Variants in RPA3 observed in about 807,000 individuals in gnomAD.
RPA3 encodes replication protein A 14 kDa subunit.
In RPA3, 24 loss-of-function variants were observed where a neutral mutation model predicts 13.7. The ratio of observed to expected loss-of-function variants is 1.75; its 90% CI spans 1.27 to 2.46. The LOEUF (loss-of-function observed/expected upper bound fraction) is 2.46, where lower values mean the gene tolerates loss of function less well. Ranked by LOEUF, RPA3 falls within the 30% of genes most tolerant of loss-of-function variation. The pLI is 0.00. For missense variants in RPA3, 183 were observed against 151.0 expected, an observed-to-expected ratio of 1.21 and a Z score of -1.11; for synonymous variants, 59 against 51.2, an observed-to-expected ratio of 1.15 and a Z score of -0.65.
intron 2 of RPA3, among the ~76,000 whole-genome samples, chr7:7,710,064 A>G (rs963791893): frequency 6.6e-6 from 1 of 152,112 alleles, no homozygotes; most frequent in African/African-American, 2.4e-5. Flanking sequence ...TTCTTCAGCA[A>G]TTTGCCTCTC....
rs549341695 is a variant in RPA3, at chr7:7,674,492, C to T, written c.-758+11338G>A. 2.0e-5 allele frequency among the ~76,000 whole-genome samples: 3 copies of T among 152,264 alleles called. 1 individual carries two copies. The highest frequency in any genetic ancestry group is 1.9e-4 in the East Asian group (1 of 5,182). On this transcript the variant is annotated intron_variant, in intron 4 of 7. Coordinates refer to ENST00000223129, the MANE Select transcript of RPA3 (RefSeq NM_002947.5). ...TGGCAGGCCTGTTGTTTTTGAGAACCTGTCTTGTATGTCCAGGGACAGGAG... is the reference window on the plus strand; with the variant it reads ...TGGCAGGCCTGTTGTTTTTGAGAACTTGTCTTGTATGTCCAGGGACAGGAG...
intron 1 of RPA3, among the ~76,000 whole-genome samples, chr7:7,717,108 G>T (rs1192508614): frequency 1.3e-5 from 2 of 149,052 alleles, no homozygotes; most frequent in Non-Finnish European, 3.0e-5. Context: ...CCAGGCTGGA[G>T]TGCAATGGCA....
chr7:7,642,631 TA>T (rs1441048271), intron 4 of RPA3, among the ~76,000 whole-genome samples: 3 of 152,168 alleles, frequency 2.0e-5, no homozygotes, highest in African/African-American at 7.2e-5. Flanking sequence ...TTGAGTCACT[TA>T]AAATATTATA....
intron 4 of RPA3, among the ~76,000 whole-genome samples, chr7:7,672,326 G>C (rs1341845850): frequency 1.3e-5 from 2 of 152,128 alleles, no homozygotes; most frequent in East Asian, 3.8e-4. Context: ...TATAACAATG[G>C]GAATAGTAGG....
At chr7:7,654,918 A>T (rs993887585) in intron 4 of RPA3, among the ~76,000 whole-genome samples, 16 of 148,618 alleles carry the variant, frequency 1.1e-4, no homozygotes, top group African/African-American at 3.9e-4. Context: ...AAAAAAAAAA[A>T]TTTGTGATAT....
At chr7:7,685,530 A>G (rs1780024316) in intron 4 of RPA3, among the ~76,000 whole-genome samples, 1 of 152,116 alleles carries the variant, frequency 6.6e-6, no homozygotes, top group African/African-American at 2.4e-5. Context: ...GATGGTCTCC[A>G]TATCCTGACC....
Position 7,640,389 on chromosome 7 carries a change from C to A in RPA3, c.30G>T (p.Ser10=). Residue 10 remains serine (S), a synonymous_variant, in exon 5 of 8, where the codon TCG becomes TCT. Transcript: ENST00000223129. The part of the protein sequence containing the change: MVDMMDLPR[S]RINAGMLAQF... Reference sequence around the variant, plus strand: ...GAGCTAGCATGCCGGCGTTGATGCGCGACCTGGGCAAGTCCATCATGTCCA... The same window carrying A: ...GAGCTAGCATGCCGGCGTTGATGCGAGACCTGGGCAAGTCCATCATGTCCA... 1 of 1,614,042 alleles carries A rather than the reference C, an allele frequency of 6.2e-7. No individual in the cohort carries two copies. Among genetic ancestry groups the A allele is most frequent in the Non-Finnish European group, 8.5e-7 (1 of 1,180,022 alleles).
chr7:7,652,804 G>C (rs1323256778), intron 4 of RPA3, among the ~76,000 whole-genome samples: 4 of 152,210 alleles, frequency 2.6e-5, no homozygotes, highest in African/African-American at 4.8e-5. Flanking sequence ...GAAGTAGTAA[G>C]CCTTCTGATG....
At chr7:7,668,269 C>T (rs28916007) in intron 4 of RPA3, among the ~76,000 whole-genome samples, 2,815 of 152,176 alleles carry the variant, frequency 0.018, 87 homozygotes, top group African/African-American at 0.065. Context: ...TGTGGGGCTA[C>T]TGTAAGGATT....
chr7:7,643,690 CCACAGAGCGAGACT>C (rs1785028044), intron 4 of RPA3, among the ~76,000 whole-genome samples: 1 of 150,620 alleles, frequency 6.6e-6, no homozygotes, highest in South Asian at 2.1e-4. Context: ...CCAACCTGGG[CCACAGAGCGAGACT>C]CCCTCTCAAA....
intron 2 of RPA3, among the ~76,000 whole-genome samples, chr7:7,704,598 GAAA>G (rs35661728): frequency 6.4e-5 from 6 of 93,608 alleles, no homozygotes; most frequent in African/African-American, 1.2e-4. Context: ...TACTAAAATA[GAAA>G]AAAAAAAAAA....
At chr7:7,698,944 T>C (rs1227903423) in intron 2 of RPA3, among the ~76,000 whole-genome samples, 6 of 151,264 alleles carry the variant, frequency 4.0e-5, no homozygotes, top group Admixed American at 3.9e-4. Flanking sequence ...AGTCTCGACT[T>C]CCCTGGGCTC....
intron 4 of RPA3, among the ~76,000 whole-genome samples, chr7:7,683,982 C>T (rs1208092681): frequency 6.6e-6 from 1 of 152,138 alleles, no homozygotes; most frequent in Non-Finnish European, 1.5e-5. Context: ...GAAATTGGTT[C>T]CAAGACCCCC....
intron 4 of RPA3, among the ~76,000 whole-genome samples, 192 bp downstream of exon 4, chr7:7,685,638 A>G (rs1203331752): frequency 6.6e-6 from 1 of 152,180 alleles, no homozygotes; most frequent in Non-Finnish European, 1.5e-5. Flanking sequence ...GAATTTCTAA[A>G]AAATTTAAGT....
intron 4 of RPA3, among the ~76,000 whole-genome samples, chr7:7,650,275 A>G (rs747876268): frequency 1.3e-5 from 2 of 151,988 alleles, no homozygotes; most frequent in Non-Finnish European, 2.9e-5. Context: ...TTACCCATAT[A>G]TTTATCATTT....
At chr7:7,698,938 T>C (rs1013238541) in intron 2 of RPA3, among the ~76,000 whole-genome samples, 2 of 149,968 alleles carry the variant, frequency 1.3e-5, no homozygotes, top group Non-Finnish European at 3.0e-5. Flanking sequence ...CACTGAAGTC[T>C]CGACTTCCCT....
chr7:7,695,314 GC>G (rs1196290039), intron 2 of RPA3, among the ~76,000 whole-genome samples: 2 of 152,104 alleles, frequency 1.3e-5, no homozygotes, highest in Non-Finnish European at 2.9e-5. Flanking sequence ...GAATTCTCAA[GC>G]CCAGCCAACT....
rs553054532 is a variant in RPA3, at chr7:7,640,599, G to T, written c.-181C>A. On this transcript the variant is annotated 5_prime_UTR_variant, in exon 5 of 8. Transcript: ENST00000223129. ...CGCTGTCTCTGAAAGGGGTGGAGAAGGGGCTGGATGAGTCCGGAAGTGGAG... is the reference window on the plus strand; with the variant it reads ...CGCTGTCTCTGAAAGGGGTGGAGAATGGGCTGGATGAGTCCGGAAGTGGAG... The T allele has an allele frequency of 2.3e-5, 14 of 613,910 alleles. No homozygotes were observed. Among genetic ancestry groups the T allele is most frequent in the Non-Finnish European group, 4.1e-5 (14 of 345,318 alleles). 38.0% of individuals were successfully genotyped at this position (613,910 alleles called of 1,614,324 possible). A position where few individuals can be genotyped will look rare whatever the true frequency, so the allele number is the denominator to read the frequency against.
At chr7:7,652,852 G>T (rs886724) in intron 4 of RPA3, among the ~76,000 whole-genome samples, 52,402 of 152,126 alleles carry the variant, frequency 0.34, 10,015 homozygotes, top group East Asian at 0.8. Flanking sequence ...ATAATTTTTA[G>T]TTGGCAGTTT....
Sources: allele counts gnomAD v4.1 joint callset (sites outside exome capture counted in the v4.1 genomes callset), GRCh38; gene constraint gnomAD v4.1.1; transcripts MANE v1.5; gene names NCBI Gene and HGNC (gene_info 2026-07-23, HGNC 2026-07-21).